Variants in EVC observed in about 807,000 individuals in gnomAD.
EVC encodes the protein evC complex member EVC.
A neutral mutation model predicts 118.9 loss-of-function variants in EVC; 116 were observed. The observed-to-expected ratio is 0.98, with a 90% CI of 0.84 to 1.14. The LOEUF (loss-of-function observed/expected upper bound fraction) is 1.14, where lower values mean the gene tolerates loss of function less well. EVC is among the 50% of genes most tolerant of loss of function. The pLI, the probability that EVC is intolerant of heterozygous loss-of-function variation, is 0.00. For missense variants in EVC, 1,401 were observed against 1,246.4 expected, an observed-to-expected ratio of 1.12 and a Z score of -1.87; for synonymous variants, 619 against 534.7, an observed-to-expected ratio of 1.16 and a Z score of -2.18.
At chr4:5,787,776 G>T (rs909897994) in intron 12 of EVC, among the ~76,000 whole-genome samples, 2 of 152,166 alleles carry the variant, frequency 1.3e-5, no homozygotes, top group South Asian at 4.1e-4. Flanking sequence ...GCTAGAGGCA[G>T]TCTGTCTGAG....
At chr4:5,745,524 A>C (rs559155235) in intron 7 of EVC, among the ~76,000 whole-genome samples, 183 bp downstream of exon 7, 1 of 152,362 alleles carries the variant, frequency 6.6e-6, no homozygotes. Flanking sequence ...TAAGCAGCAA[A>C]GATTCACAAA....
At chr4:5,802,967 G>A (rs1042101171) in intron 16 of EVC, among the ~76,000 whole-genome samples, 2 of 152,130 alleles carry the variant, frequency 1.3e-5, no homozygotes, top group Admixed American at 6.5e-5. Flanking sequence ...GCTTCCTGGT[G>A]GTGAAAGAGA....
At chr4:5,729,206 GGCT>G (rs1726382083) in intron 2 of EVC, 98 bp from the exon 3 acceptor site, 2 of 1,041,276 alleles carry the variant, frequency 1.9e-6, no homozygotes, top group Non-Finnish European at 3.0e-6. Flanking sequence ...CCCTTTCTGA[GGCT>G]GCTATTACAA....
chr4:5,780,200 T>C (rs1471818378), intron 11 of EVC, among the ~76,000 whole-genome samples: 1 of 152,326 alleles, frequency 6.6e-6, no homozygotes, highest in South Asian at 2.1e-4. Context: ...GCAAACCGAA[T>C]CCAGCAGCAC....
At chr4:5,786,957 T>C (rs553137997) in intron 12 of EVC, among the ~76,000 whole-genome samples, 1 of 151,848 alleles carries the variant, frequency 6.6e-6, no homozygotes, top group African/African-American at 2.4e-5. Flanking sequence ...AGAAATGAGC[T>C]CTCTGTCATT....
chr4:5,826,248 CA>C, the EVC span: 46,256 of 152,934 alleles, frequency 0.3, 11,388 homozygotes, highest in African/African-American at 0.69. Flanking sequence ...GAGTCCCAGA[CA>C]AGGCAGCAGC....
rs985917734 is a variant in EVC, at chr4:5,752,997, G to A, written c.1260G>A (p.Glu420=). 3 of 1,612,960 alleles carry A rather than the reference G, an allele frequency of 1.9e-6. No individual in the cohort carries two copies. The highest frequency in any genetic ancestry group is 8.5e-7 in the Non-Finnish European group (1 of 1,179,650). ...EGKLSGRQKE[E]LLTQQHKAFW... ...AGCTGTCCGGGCGGCAGAAGGAGGA[G>A]CTGCTCACGCAGCAGCACAAGGCCT... The change falls in exon 9 of 21, where the codon GAG becomes GAA. Residue 420 remains glutamate, a synonymous_variant. Coordinates refer to ENST00000264956, the MANE Select transcript of EVC (RefSeq NM_153717.3).
chr4:5,802,065 G>C lies in EVC; in HGVS notation c.2420G>C (p.Arg807Thr). 1 of 1,613,992 alleles carries C rather than the reference G, an allele frequency of 6.2e-7. No individual in the cohort carries two copies. The highest frequency in any genetic ancestry group is 8.5e-7 in the Non-Finnish European group (1 of 1,180,022). ...AGGATCATGGAGGACCACGAGGAGA[G>C]AAAACTGCAGCACCTGAAGACCCTG... ...IGRIMEDHEE[R>T]KLQHLKTLQG... Residue 807 changes from arginine (R) to threonine (T), a missense_variant, in exon 16 of 21, where the codon AGA (arginine) becomes ACA (threonine). By Grantham distance (71) the Arg-to-Thr change is moderately conservative (BLOSUM62 -1). Coordinates refer to ENST00000264956, the MANE Select transcript of EVC (RefSeq NM_153717.3).
chr4:5,792,253 T>A (rs1164440642), intron 12 of EVC, among the ~76,000 whole-genome samples: 4 of 152,198 alleles, frequency 2.6e-5, no homozygotes, highest in African/African-American at 9.6e-5. Flanking sequence ...CTAATCTAGC[T>A]ATGTGGCATT....
chr4:5,790,237 T>C (rs1447348357), intron 12 of EVC, among the ~76,000 whole-genome samples: 2 of 151,396 alleles, frequency 1.3e-5, no homozygotes, highest in African/African-American at 4.9e-5. Flanking sequence ...TATTCTGGTT[T>C]CCCTAGCACT....
At chr4:5,729,910 G>C (rs890771387) in intron 3 of EVC, among the ~76,000 whole-genome samples, 3 of 152,218 alleles carry the variant, frequency 2.0e-5, no homozygotes, top group Non-Finnish European at 4.4e-5. Context: ...AAGTGGCAGA[G>C]CCAGAGTCAG....
chr4:5,808,105 G>C (rs1716217401), intron 17 of EVC, 96 bp from the exon 18 acceptor site: 1 of 974,016 alleles, frequency 1.0e-6, no homozygotes, highest in Admixed American at 2.3e-5. Context: ...GGGCTCCCAG[G>C]GATCAGCAGC....
At chr4:5,712,217 C>G (rs1723154383) in intron 1 of EVC, among the ~76,000 whole-genome samples, 1 of 152,170 alleles carries the variant, frequency 6.6e-6, no homozygotes. Context: ...GTGCTGTGTA[C>G]CAGGCACTGA....
chr4:5,809,451 C>A (rs779059019), intron 18 of EVC, 67 bp from the exon 19 acceptor site: 488 of 1,398,386 alleles, frequency 3.5e-4, no homozygotes, highest in Non-Finnish European at 4.6e-4. Context: ...AATTCACTCA[C>A]GTGGAGAGGG....
Position 5,808,406 on chromosome 4 carries a change from C to G in EVC, c.2688+79C>G, listed in dbSNP as rs940042610. ...AATAGCTGAAGCCAGCCTGTGACCA[C>G]ACGTCAGCCATGGGGACTGCACTTC... On this transcript the variant is annotated intron_variant, in intron 18 of 20. Coordinates refer to ENST00000264956, the MANE Select transcript of EVC (RefSeq NM_153717.3). The G allele has an allele frequency of 5.0e-6, 8 of 1,598,610 alleles. No individual in the cohort carries two copies. In the African/African-American group the frequency reaches 6.7e-5, roughly 13 times the overall value.
At chr4:5,804,709 G>A (rs770528644) in intron 16 of EVC, 21 bp from the exon 17 acceptor site, 9 of 1,609,442 alleles carry the variant, frequency 5.6e-6, no homozygotes, top group Non-Finnish European at 7.7e-6. Context: ...CCCCTTGATT[G>A]TCCTGTGTTA....
intron 3 of EVC, among the ~76,000 whole-genome samples, chr4:5,729,937 A>G (rs1020680608): frequency 2.0e-5 from 3 of 152,216 alleles, no homozygotes; most frequent in Non-Finnish European, 4.4e-5. Context: ...ACACCTGGCT[A>G]TGGTTACACC....
chr4:5,783,220 G>A (rs142792332), intron 11 of EVC, among the ~76,000 whole-genome samples: 17 of 152,180 alleles, frequency 1.1e-4, no homozygotes, highest in Admixed American at 7.2e-4. Context: ...AAATGTGAAC[G>A]AAAGTGTGCA....
intron 8 of EVC, among the ~76,000 whole-genome samples, chr4:5,751,075 G>C (rs3774862): frequency 0.42 from 64,480 of 152,094 alleles, 14,401 homozygotes; most frequent in East Asian, 0.62. Context: ...TGCCAAGACA[G>C]ATGGGACTGG....
Sources: allele counts gnomAD v4.1 joint callset (sites outside exome capture counted in the v4.1 genomes callset), GRCh38; gene constraint gnomAD v4.1.1; transcripts MANE v1.5; gene names NCBI Gene and HGNC (gene_info 2026-07-23, HGNC 2026-07-21).